The following PTPRT variants were observed in gnomAD, a reference collection of about 807,000 sequenced individuals.
PTPRT encodes the protein protein tyrosine phosphatase receptor type T.
A neutral mutation model predicts 176.8 loss-of-function variants in PTPRT; 56 were observed. The observed-to-expected ratio is 0.32, with a 90% confidence interval of 0.26 to 0.40. The LOEUF is 0.40. Ranked by LOEUF, PTPRT falls within the 10% of genes least tolerant of loss-of-function variation. PTPRT has a pLI of 1.00. For synonymous variants in PTPRT, 783 were observed against 739.0 expected, an observed-to-expected ratio of 1.06 and a Z score of -0.96; for missense variants, 1,540 against 1,908.2, an observed-to-expected ratio of 0.81 and a Z score of 3.60.
chr20:42,139,779 G>C (rs1205253945), intron 18 of PTPRT, among the ~76,000 whole-genome samples: 1 of 152,270 alleles, frequency 6.6e-6, no homozygotes, highest in Non-Finnish European at 1.5e-5. Flanking sequence ...CAGTGCAGGA[G>C]CAGAGAATGC....
intron 6 of PTPRT, among the ~76,000 whole-genome samples, chr20:42,714,421 G>A (rs1224476005): frequency 1.3e-5 from 2 of 152,174 alleles, no homozygotes; most frequent in East Asian, 1.9e-4. Flanking sequence ...GACAGGTGCA[G>A]TATTAGAAGC....
At chr20:42,737,683 C>A (rs989442452) in intron 6 of PTPRT, among the ~76,000 whole-genome samples, 2 of 150,978 alleles carry the variant, frequency 1.3e-5, no homozygotes, top group Non-Finnish European at 2.9e-5. Flanking sequence ...TCAGAAGGAA[C>A]CAACCCTACT....
chr20:42,962,947 C>T (rs1166020294), intron 1 of PTPRT, among the ~76,000 whole-genome samples: 1 of 152,094 alleles, frequency 6.6e-6, no homozygotes, highest in African/African-American at 2.4e-5. Context: ...ACCTGTAATC[C>T]CAGCACTTTG....
intron 7 of PTPRT, among the ~76,000 whole-genome samples, chr20:42,532,427 G>A (rs1390120035): frequency 1.3e-5 from 2 of 152,048 alleles, no homozygotes; most frequent in Admixed American, 1.3e-4. Context: ...TTGAGACAGG[G>A]TCTCAAATCC....
intron 6 of PTPRT, 90 bp from the exon 7 acceptor site, chr20:42,678,249 G>T: frequency 8.0e-7 from 1 of 1,252,626 alleles, no homozygotes; most frequent in Non-Finnish European, 1.1e-6. Context: ...CAGAATTCTT[G>T]ATGTAGCCAC....
intron 2 of PTPRT, among the ~76,000 whole-genome samples, chr20:42,883,782 C>CACAT (rs2079053559): frequency 1.2e-3 from 4 of 3,406 alleles, no homozygotes; most frequent in African/African-American, 1.9e-3. Flanking sequence ...CCTCCATAAA[C>CACAT]GCACACCCAT....
Position 42,315,776 on chromosome 20 carries a change from A to C in PTPRT, c.2086T>G (p.Ser696Ala). ...TYNGYWNPPLSPLKSYSIYFQ... is the reference protein window; with the variant it reads ...TYNGYWNPPLAPLKSYSIYFQ... ...TAGATGCTGTAGCTTTTCAGGGGAG[A>C]GAGAGGAGGGTTCCAGTAGCCATTG... The change falls in exon 12 of 31, where the codon TCT (serine) becomes GCT (alanine). Residue 696 changes from serine to alanine, a missense_variant. By Grantham distance (99) the Ser-to-Ala change is moderately conservative (BLOSUM62 1). Coordinates refer to ENST00000373187, the MANE Select transcript of PTPRT (RefSeq NM_007050.6). 6.2e-7 allele frequency: 1 copy of C among 1,614,048 alleles called. No homozygotes were observed. The highest frequency in any genetic ancestry group is 1.1e-5 in the South Asian group (1 of 91,072).
intron 9 of PTPRT, among the ~76,000 whole-genome samples, chr20:42,430,281 A>G (rs774575473): frequency 6.6e-6 from 1 of 152,190 alleles, no homozygotes; most frequent in Non-Finnish European, 1.5e-5. Context: ...TCCAAAACTG[A>G]GGCTCCAGTA....
intron 9 of PTPRT, among the ~76,000 whole-genome samples, chr20:42,367,018 A>G (rs900964218): frequency 1.3e-5 from 2 of 152,156 alleles, no homozygotes; most frequent in African/African-American, 2.4e-5. Flanking sequence ...CCCGCATTTT[A>G]TTTGGGAAGG....
chr20:43,059,385 TAGAA>T (rs1438522099), intron 1 of PTPRT, among the ~76,000 whole-genome samples: 1 of 152,202 alleles, frequency 6.6e-6, no homozygotes, highest in Non-Finnish European at 1.5e-5. Context: ...ACATTTTGCT[TAGAA>T]AGAGCTTCAG....
At chr20:42,832,705 A>G (rs967179550) in intron 2 of PTPRT, among the ~76,000 whole-genome samples, 2 of 151,224 alleles carry the variant, frequency 1.3e-5, no homozygotes, top group Non-Finnish European at 2.9e-5. Flanking sequence ...AGAAAGAAAA[A>G]AAAAAAAAGA....
At chr20:42,612,482 A>C (rs962043906) in intron 7 of PTPRT, among the ~76,000 whole-genome samples, 1 of 152,088 alleles carries the variant, frequency 6.6e-6, no homozygotes, top group Non-Finnish European at 1.5e-5. Flanking sequence ...CTTTGCATTT[A>C]AGCCCATTTT....
intron 1 of PTPRT, among the ~76,000 whole-genome samples, chr20:43,147,949 A>G (rs1197645685): frequency 1.3e-5 from 2 of 152,208 alleles, no homozygotes; most frequent in Admixed American, 6.5e-5. Context: ...TCTTCCTATC[A>G]GGTTAGAAAA....
intron 14 of PTPRT, among the ~76,000 whole-genome samples, chr20:42,241,401 T>C (rs2056351579): frequency 6.6e-6 from 1 of 152,108 alleles, no homozygotes; most frequent in Non-Finnish European, 1.5e-5. Flanking sequence ...GAAGGGCTAG[T>C]TCCCAAAGAG....
intron 1 of PTPRT, among the ~76,000 whole-genome samples, chr20:43,081,952 T>C (rs1255829305): frequency 2.6e-5 from 4 of 152,212 alleles, no homozygotes; most frequent in African/African-American, 9.6e-5. Context: ...TATGTTTTTG[T>C]CATCACTATT....
Position 42,077,243 on chromosome 20 carries a change from T to C in PTPRT, c.*3636A>G, listed in dbSNP as rs1021808910. 1.1e-5 allele frequency: 2 copies of C among 186,312 alleles called. No individual in the cohort carries two copies. Among genetic ancestry groups the C allele is most frequent in the Non-Finnish European group, 2.3e-5 (2 of 88,208 alleles). The allele number at this position is 186,312 out of a possible 1,614,324, so 11.5% of individuals were successfully genotyped here. The stretch of plus-strand genomic sequence containing the variant: ...TCCATTCCCACAAAGAGAGGCCTAC[T>C]GTGGCCTTCTAGAGGCCCAAGGACC... On this transcript the variant is annotated 3_prime_UTR_variant, in exon 31 of 31. Transcript: ENST00000373187.
At chr20:42,114,915 C>T (rs1987192587) in intron 22 of PTPRT, among the ~76,000 whole-genome samples, 1 of 152,188 alleles carries the variant, frequency 6.6e-6, no homozygotes, top group African/African-American at 2.4e-5. Context: ...CCTACCACCC[C>T]ATCCTACTGT....
intron 1 of PTPRT, among the ~76,000 whole-genome samples, chr20:43,055,624 A>G (rs1300910281): frequency 6.6e-6 from 1 of 152,256 alleles, no homozygotes; most frequent in Admixed American, 6.5e-5. Context: ...TGAGGGAATT[A>G]GGAAGATAAA....
intron 6 of PTPRT, among the ~76,000 whole-genome samples, chr20:42,736,367 T>C (rs1285791064): frequency 6.6e-6 from 1 of 152,178 alleles, no homozygotes; most frequent in East Asian, 1.9e-4. Context: ...GGAAAAGATA[T>C]CGTGAAGGGC....
Sources: allele counts gnomAD v4.1 joint callset (sites outside exome capture counted in the v4.1 genomes callset), GRCh38; gene constraint gnomAD v4.1.1; transcripts MANE v1.5; gene names NCBI Gene and HGNC (gene_info 2026-07-23, HGNC 2026-07-21).